The following LRFN5 variants were observed in gnomAD, a reference collection of about 807,000 sequenced individuals.
The protein encoded by LRFN5 is leucine-rich repeat and fibronectin type-III domain-containing protein 5.
In LRFN5, 24 loss-of-function variants were observed where a neutral mutation model predicts 45.6. The ratio of observed to expected loss-of-function variants is 0.53; its 90% CI spans 0.38 to 0.74. LRFN5 has a LOEUF of 0.74. LRFN5 is among the 30% of genes least tolerant of loss of function. The probability of loss-of-function intolerance (pLI) is 0.00; values close to 1 mark genes in which losing one functional copy is unlikely to be tolerated. For synonymous variants in LRFN5, 340 were observed against 313.8 expected (o/e 1.08, Z -0.88); for missense variants, 776 against 861.5 (o/e 0.90, Z 1.24).
At chr14:41,893,577 T>G (rs1890851117) in intron 4 of LRFN5, 1 of 985,186 alleles carries the variant, frequency 1.0e-6, no homozygotes, top group Admixed American at 6.2e-5. Context: ...AAATACCACT[T>G]AAGACACAAG....
intron 1 of LRFN5, among the ~76,000 whole-genome samples, chr14:41,679,566 G>T (rs1881791509): frequency 6.6e-6 from 1 of 152,078 alleles, no homozygotes; most frequent in Non-Finnish European, 1.5e-5. Context: ...TTCATCACCT[G>T]CTGACTAAAG....
At chr14:41,839,530 A>G (rs1465171396) in intron 2 of LRFN5, among the ~76,000 whole-genome samples, 1 of 152,098 alleles carries the variant, frequency 6.6e-6, no homozygotes, top group Non-Finnish European at 1.5e-5. Flanking sequence ...GGTAGCAGCT[A>G]TCTTATTTTT....
intron 1 of LRFN5, among the ~76,000 whole-genome samples, chr14:41,645,175 A>T (rs1879757394): frequency 6.6e-6 from 1 of 152,212 alleles, no homozygotes; most frequent in African/African-American, 2.4e-5. Flanking sequence ...GATGCATGTA[A>T]AGTGTAGCAT....
At chr14:41,832,911 T>C (rs1364127293) in intron 2 of LRFN5, among the ~76,000 whole-genome samples, 1 of 152,130 alleles carries the variant, frequency 6.6e-6, no homozygotes, top group African/African-American at 2.4e-5. Context: ...AACAGAAACA[T>C]TGTGGGAAGG....
chr14:41,650,265 AC>A (rs1376615197), intron 1 of LRFN5, among the ~76,000 whole-genome samples: 106 of 144,090 alleles, frequency 7.4e-4, no homozygotes, highest in Middle Eastern at 3.5e-3. Flanking sequence ...ACACACACAC[AC>A]AAAAAAAAAA....
chr14:41,700,201 A>C (rs182564728), intron 1 of LRFN5: 1 of 152,196 alleles, frequency 6.6e-6, no homozygotes, highest in East Asian at 1.9e-4. Context: ...GAACATAATT[A>C]TGGAGGGGCA....
Position 41,836,812 on chromosome 14 carries a change from T to C in LRFN5, c.-20-49794T>C, listed in dbSNP as rs142878174. Reference sequence around the variant, plus strand: ...AGAGTGGCATTTTATTCCTTCTCATTGGTAGCCTCCTTGTTGGGTATCTTA... The same window carrying C: ...AGAGTGGCATTTTATTCCTTCTCATCGGTAGCCTCCTTGTTGGGTATCTTA... On this transcript the variant is annotated intron_variant, in intron 2 of 5. Transcript: ENST00000298119. Among the ~76,000 whole-genome samples, 4 of 145,438 alleles carry C rather than the reference T, an allele frequency of 2.8e-5. No individual in the cohort carries two copies. The East Asian group carries it at 7.8e-4, about 28-fold the overall frequency.
intron 1 of LRFN5, among the ~76,000 whole-genome samples, chr14:41,762,034 A>T (rs1451680163): frequency 1.3e-5 from 2 of 151,840 alleles, no homozygotes; most frequent in African/African-American, 4.8e-5. Flanking sequence ...TGGTGAGAAT[A>T]TCTTATTTTA....
Position 41,887,338 on chromosome 14 carries a change from G to T in LRFN5, c.713G>T (p.Gly238Val), listed in dbSNP as rs147067718. ...ISPSTFALSF[G>V]GNPLHCNCEL... ...CCATCTACTTTTGCATTAAGTTTTGGTGGAAACCCCTTGCATTGCAATTGT... is the reference window on the plus strand; with the variant it reads ...CCATCTACTTTTGCATTAAGTTTTGTTGGAAACCCCTTGCATTGCAATTGT... The change falls in exon 3 of 6, where the codon GGT becomes GTT. Residue 238 changes from glycine (G) to valine (V), a missense_variant. Around this residue, in one of 2 missense-constraint regions of LRFN5, gnomAD observed 311 missense variants for 405.1 expected, o/e 0.77. Coordinates refer to ENST00000298119, the MANE Select transcript of LRFN5 (RefSeq NM_152447.5). The surrounding 1 kb of genome is among the most constrained non-coding windows in gnomAD (Gnocchi z 4.8). 3.7e-6 allele frequency: 6 copies of T among 1,614,056 alleles called. No individual in the cohort carries two copies. The highest frequency in any genetic ancestry group is 5.1e-6 in the Non-Finnish European group (6 of 1,180,042).
intron 2 of LRFN5, among the ~76,000 whole-genome samples, chr14:41,797,123 T>C (rs1336587272): frequency 6.6e-6 from 1 of 151,888 alleles, no homozygotes; most frequent in Non-Finnish European, 1.5e-5. Context: ...TTTAGTGATT[T>C]TTAATGTCTT....
rs573392579 is a variant in LRFN5 at position 41,820,882 on chromosome 14, A to T, written c.-21+53853A>T. On this transcript the variant is annotated intron_variant, in intron 2 of 5. Coordinates refer to ENST00000298119, the MANE Select transcript of LRFN5 (RefSeq NM_152447.5). Reference sequence around the variant, plus strand: ...ATTTTATTTTTTGTAGCTATTATAAATGGAGCAGAGTTATTGATTTAGTTC... The same window carrying T: ...ATTTTATTTTTTGTAGCTATTATAATTGGAGCAGAGTTATTGATTTAGTTC... Among the ~76,000 whole-genome samples the T allele has an allele frequency of 2.6e-5, 4 of 152,132 alleles. No individual in the cohort carries two copies. The South Asian group carries it at 8.3e-4, about 32-fold the overall frequency.
intron 1 of LRFN5, among the ~76,000 whole-genome samples, chr14:41,665,467 C>T (rs1880853394): frequency 6.6e-6 from 1 of 152,012 alleles, no homozygotes; most frequent in Non-Finnish European, 1.5e-5. Context: ...TCTGCCAGCA[C>T]TTAACTCATT....
chr14:41,791,198 T>A (rs976641372), intron 2 of LRFN5, among the ~76,000 whole-genome samples: 1 of 151,940 alleles, frequency 6.6e-6, no homozygotes, highest in African/African-American at 2.4e-5. Context: ...AAAAAGTATT[T>A]TGGAAAACAT....
chr14:41,630,224 A>C (rs75929825), intron 1 of LRFN5, among the ~76,000 whole-genome samples: 1 of 152,280 alleles, frequency 6.6e-6, no homozygotes, highest in Non-Finnish European at 1.5e-5. Context: ...AGTAAGGGGA[A>C]GAGCTAGGAA....
At chr14:41,646,598 T>C (rs1460528910) in intron 1 of LRFN5, among the ~76,000 whole-genome samples, 1 of 152,218 alleles carries the variant, frequency 6.6e-6, no homozygotes, top group Admixed American at 6.5e-5. Flanking sequence ...TGAAATATCT[T>C]TCTATTAATT....
intron 2 of LRFN5, among the ~76,000 whole-genome samples, chr14:41,863,560 A>T (rs1408804916): frequency 6.6e-6 from 1 of 152,176 alleles, no homozygotes; most frequent in East Asian, 1.9e-4. Context: ...GCCAATTTCT[A>T]CACAAATGCA....
intron 1 of LRFN5, among the ~76,000 whole-genome samples, chr14:41,630,036 A>G (rs1888481304): frequency 6.6e-6 from 1 of 152,124 alleles, no homozygotes. Flanking sequence ...TTTTTATCCA[A>G]GTACCTAGAA....
At chr14:41,814,580 T>C (rs1356602843) in intron 2 of LRFN5, among the ~76,000 whole-genome samples, 1 of 152,150 alleles carries the variant, frequency 6.6e-6, no homozygotes, top group Non-Finnish European at 1.5e-5. Context: ...CTGTTGGCCT[T>C]ATTTCTTGAG....
chr14:41,701,854 A>G (rs73297719), intron 1 of LRFN5, among the ~76,000 whole-genome samples: 6,790 of 152,228 alleles, frequency 0.045, 492 homozygotes, highest in African/African-American at 0.15. Flanking sequence ...GATCAACAGC[A>G]TTAGCATCAC....
Sources: allele counts gnomAD v4.1 joint callset (sites outside exome capture counted in the v4.1 genomes callset), GRCh38; gene constraint gnomAD v4.1.1; regional missense constraint gnomAD v4.1.1; non-coding constraint Gnocchi (gnomAD v3.1); transcripts MANE v1.5; gene names NCBI Gene and HGNC (gene_info 2026-07-23, HGNC 2026-07-21).